Variants in ORC3 observed in about 807,000 individuals in gnomAD.
ORC3 encodes homolog of latheo, Drosophila.
Under a neutral mutation model 100.7 loss-of-function variants are expected in ORC3, and 78 were observed. The observed-to-expected ratio is 0.77, with a 90% CI of 0.65 to 0.94. The LOEUF is 0.94. ORC3 is among the 40% of genes least tolerant of loss of function. ORC3 has a pLI of 0.00. For synonymous variants in ORC3, 295 were observed against 289.3 expected (o/e 1.02, Z -0.20); for missense variants, 789 against 823.9 (o/e 0.96, Z 0.52).
chr6:87,659,025 G>GTT (rs1190059720), intron 16 of ORC3, among the ~76,000 whole-genome samples: 1 of 142,504 alleles, frequency 7.0e-6, no homozygotes, highest in African/African-American at 2.6e-5. Flanking sequence ...AGTGGGGCGG[G>GTT]GGGGGGAGAA....
chr6:87,643,993 T>G (rs1056398134), intron 13 of ORC3, among the ~76,000 whole-genome samples: 1 of 151,526 alleles, frequency 6.6e-6, no homozygotes, highest in African/African-American at 2.4e-5. Flanking sequence ...CTATACGGTC[T>G]CTTCTCCTAC....
intron 11 of ORC3, among the ~76,000 whole-genome samples, chr6:87,632,159 A>G (rs1767474472): frequency 6.6e-6 from 1 of 152,146 alleles, no homozygotes; most frequent in African/African-American, 2.4e-5. Context: ...GCAAGACTCC[A>G]TCTCCAAAAA....
chr6:87,671,377 A>AAAG (rs1336366544), downstream of ORC3, among the ~76,000 whole-genome samples: 2 of 152,178 alleles, frequency 1.3e-5, no homozygotes, highest in African/African-American at 4.8e-5. Context: ...GCCTAGAAAC[A>AAAG]AAGAATGGAG....
intron 11 of ORC3, among the ~76,000 whole-genome samples, chr6:87,625,348 C>T (rs1306538881): frequency 6.6e-6 from 1 of 152,178 alleles, no homozygotes; most frequent in Admixed American, 6.5e-5. Flanking sequence ...CACATTCTCT[C>T]CAGTATCTGT....
chr6:87,597,676 T>TAC (rs1418694428), intron 2 of ORC3, among the ~76,000 whole-genome samples: 29 of 130,242 alleles, frequency 2.2e-4, no homozygotes, highest in African/African-American at 1.1e-3. Flanking sequence ...ATGATATATA[T>TAC]ATATACACAC....
intron 11 of ORC3, 103 bp from the exon 12 acceptor site, chr6:87,634,742 C>CTTT (rs149456122): frequency 1.5e-6 from 1 of 657,400 alleles, no homozygotes; most frequent in South Asian, 1.7e-5. Context: ...AGTTTTGAAT[C>CTTT]TTGTCAGTTT....
At chr6:87,630,824 T>C (rs1420572390) in intron 11 of ORC3, among the ~76,000 whole-genome samples, 1 of 152,020 alleles carries the variant, frequency 6.6e-6, no homozygotes, top group Non-Finnish European at 1.5e-5. Context: ...GGTTGGAGCA[T>C]GTCTGCCATA....
At chr6:87,625,893 T>C (rs1054303872) in intron 11 of ORC3, among the ~76,000 whole-genome samples, 4 of 152,254 alleles carry the variant, frequency 2.6e-5, no homozygotes, top group African/African-American at 9.6e-5. Flanking sequence ...CAGTTTCAGC[T>C]TTCTACATAT....
At chr6:87,675,308 C>G in the ORC3 span, 3 of 449,760 alleles carry the variant, frequency 6.7e-6, no homozygotes, top group Non-Finnish European at 1.2e-5. Context: ...TTCTAGAATA[C>G]CAGCTTTAAT....
rs28381534 is a variant in ORC3, at chr6:87,661,442, GC to G, written c.1692-1560del. ...GGAGCAGCACCTAGAATTAGAATGA[GC>G]AAGGGGTCATTAGCTCTTGAGATGG... is the stretch of plus-strand genomic sequence containing the variant. On this transcript the variant is annotated intron_variant, in intron 16 of 19. Transcript: ENST00000392844. Among the ~76,000 whole-genome samples the G allele has an allele frequency of 4.8e-4, 73 of 152,296 alleles. No homozygotes were observed. In the South Asian group the frequency reaches 0.014, roughly 30 times the overall value.
intron 2 of ORC3, 70 bp downstream of exon 2, chr6:87,594,477 A>C: frequency 7.0e-7 from 1 of 1,429,230 alleles, no homozygotes; most frequent in Non-Finnish European, 9.4e-7. Context: ...CCCTAATTGA[A>C]TTTAGTAATT....
intron 13 of ORC3, among the ~76,000 whole-genome samples, chr6:87,640,946 A>G (rs2128281595): frequency 6.6e-6 from 1 of 152,224 alleles, no homozygotes; most frequent in East Asian, 1.9e-4. Context: ...CGTCTCTACT[A>G]AAAATACAAA....
chr6:87,676,628 A>ACACACACACACACAC, the ORC3 span, among the ~76,000 whole-genome samples: 6 of 99,968 alleles, frequency 6.0e-5, no homozygotes, highest in Middle Eastern at 4.9e-3. Context: ...CACACACACA[A>ACACACACACACACAC]ACATAGCTGG....
the ORC3 span, among the ~76,000 whole-genome samples, chr6:87,676,266 C>T: frequency 9.8e-4 from 148 of 150,592 alleles, 1 homozygote; most frequent in Non-Finnish European, 1.5e-3. Context: ...AGATCGAGAC[C>T]ATCCTGGCTA....
chr6:87,604,337 G>A (rs1166906823), intron 4 of ORC3, among the ~76,000 whole-genome samples: 2 of 152,122 alleles, frequency 1.3e-5, no homozygotes, highest in African/African-American at 2.4e-5. Context: ...TTGGTTAATG[G>A]GTCTAGGGTG....
intron 12 of ORC3, among the ~76,000 whole-genome samples, chr6:87,635,343 A>T (rs1031702638): frequency 2.0e-5 from 3 of 152,236 alleles, no homozygotes; most frequent in African/African-American, 7.2e-5. Context: ...CAGAATAAAA[A>T]GAGAAGCAGT....
At chr6:87,602,951 T>C (rs1778039349) in intron 3 of ORC3, among the ~76,000 whole-genome samples, 1 of 115,082 alleles carries the variant, frequency 8.7e-6, no homozygotes, top group Non-Finnish European at 1.7e-5. Context: ...TATACACATA[T>C]ATAATATATA....
intron 8 of ORC3, among the ~76,000 whole-genome samples, chr6:87,614,784 AC>A (rs1296277609): frequency 1.3e-5 from 2 of 151,928 alleles, no homozygotes; most frequent in Admixed American, 6.6e-5. Context: ...TCCATCTGAG[AC>A]CCCCTCAGCC....
In ORC3 at chr6:87,602,017, A is replaced by G. The variant is rs1036012184; in HGVS notation, c.177+136A>G. The G allele has an allele frequency of 5.0e-6, 3 of 600,168 alleles. No homozygotes were observed. The South Asian group carries it at 6.6e-5, about 13-fold the overall frequency. 37.2% of individuals were successfully genotyped at this position (600,168 alleles called of 1,614,324 possible). A position where few individuals can be genotyped will look rare whatever the true frequency, so the allele number is the denominator to read the frequency against. ...GGTCAAGCATAGCCTGTATATCCTT[A>G]AAAAAACAACCATAATCCAGCCTGG... On this transcript the variant is annotated intron_variant, in intron 3 of 19. Coordinates refer to ENST00000392844, the MANE Select transcript of ORC3 (RefSeq NM_012381.4).
Sources: allele counts gnomAD v4.1 joint callset (sites outside exome capture counted in the v4.1 genomes callset), GRCh38; gene constraint gnomAD v4.1.1; transcripts MANE v1.5; gene names NCBI Gene and HGNC (gene_info 2026-07-23, HGNC 2026-07-21).